The following TJP2 variants were observed in gnomAD, a reference collection of about 807,000 sequenced individuals.
TJP2 encodes the protein tight junction protein 2.
TJP2 carries 91 observed loss-of-function variants against 133.1 expected under a neutral mutation model. The ratio of observed to expected loss-of-function variants is 0.68; its 90% CI spans 0.58 to 0.81. The LOEUF is 0.81. Ranked by LOEUF, TJP2 falls within the 40% of genes least tolerant of loss-of-function variation. The pLI is 0.00. For synonymous variants in TJP2, 592 were observed against 583.4 expected (o/e 1.01, Z -0.21); for missense variants, 1,541 against 1,565.6 (o/e 0.98, Z 0.26).
chr9:69,198,241 A>G (rs534640200), intron 1 of TJP2, among the ~76,000 whole-genome samples: 1 of 146,814 alleles, frequency 6.8e-6, no homozygotes, highest in African/African-American at 2.5e-5. Flanking sequence ...TCCCAGGTTC[A>G]AGCGATTCTC....
At chr9:69,197,429 T>C (rs915048005) in intron 1 of TJP2, among the ~76,000 whole-genome samples, 3 of 152,226 alleles carry the variant, frequency 2.0e-5, no homozygotes, top group African/African-American at 7.2e-5. Context: ...AATAATACTG[T>C]TATGAACATT....
At chr9:69,192,733 G>A (rs915361292) in intron 1 of TJP2, among the ~76,000 whole-genome samples, 5 of 152,042 alleles carry the variant, frequency 3.3e-5, no homozygotes, top group African/African-American at 7.3e-5. Context: ...CCTCAGTAGC[G>A]TGCTGCAGCA....
At chr9:69,250,634 T>TG (rs762629622) in intron 20 of TJP2, among the ~76,000 whole-genome samples, 8 of 152,186 alleles carry the variant, frequency 5.3e-5, no homozygotes, top group Non-Finnish European at 1.2e-4. Flanking sequence ...GGGTCTCACC[T>TG]GGGCCGGCTC....
chr9:69,133,213 C>T lies in TJP2; in HGVS notation c.-131+11488C>T, dbSNP rs146576273. ...TTGAGCTCAAGCAACCCTCCTGCCT[C>T]GGCCTCCCAAAGTGCTGGGATTACA... On this transcript the variant is annotated intron_variant, in intron 1 of 5. Transcript: ENST00000423935. Among the ~76,000 whole-genome samples the T allele has an allele frequency of 2.6e-3, 399 of 152,322 alleles. 2 individuals carry two copies. The highest frequency in any genetic ancestry group is 8.2e-3 in the African/African-American group (339 of 41,568).
At chr9:69,142,192 T>TG (rs1209466747) in intron 1 of TJP2, among the ~76,000 whole-genome samples, 2 of 152,160 alleles carry the variant, frequency 1.3e-5, no homozygotes, top group African/African-American at 2.4e-5. Context: ...CAATAGATAC[T>TG]GGGTTGTGCC....
intron 11 of TJP2, among the ~76,000 whole-genome samples, chr9:69,232,744 A>T (rs1829881694): frequency 1.3e-5 from 2 of 152,204 alleles, no homozygotes; most frequent in Admixed American, 6.5e-5. Flanking sequence ...TTTATCTGAT[A>T]GAGTTGTCAT....
At chr9:69,140,499 ACT>A (rs1422247373) in intron 1 of TJP2, among the ~76,000 whole-genome samples, 2 of 151,564 alleles carry the variant, frequency 1.3e-5, no homozygotes, top group Admixed American at 6.6e-5. Context: ...CATGTGAACT[ACT>A]CTCTCCAGCT....
At chr9:69,243,247 C>T (rs995138649) in intron 17 of TJP2, among the ~76,000 whole-genome samples, 3 of 152,164 alleles carry the variant, frequency 2.0e-5, no homozygotes, top group Non-Finnish European at 4.4e-5. Flanking sequence ...CTTTGATGAA[C>T]ACAGTAATTT....
At chr9:69,228,161 T>C in intron 9 of TJP2, 47 bp downstream of exon 9, 1 of 1,565,858 alleles carries the variant, frequency 6.4e-7, no homozygotes, top group Non-Finnish European at 8.7e-7. Context: ...TTCAGAAGTG[T>C]GTGCTCACAC....
chr9:69,192,806 G>A (rs565368856), intron 1 of TJP2, among the ~76,000 whole-genome samples: 2 of 152,208 alleles, frequency 1.3e-5, no homozygotes, highest in Admixed American at 1.3e-4. Context: ...AGTGACAAGG[G>A]GATCTTGATT....
At chr9:69,184,782 G>A (rs1378508531) in intron 1 of TJP2, among the ~76,000 whole-genome samples, 1 of 123,788 alleles carries the variant, frequency 8.1e-6, no homozygotes. Context: ...AGACGGGCTT[G>A]CTCTGTCACC....
chr9:69,251,477 A>G (rs1363598159), intron 21 of TJP2, 113 bp downstream of exon 21: 3 of 1,139,116 alleles, frequency 2.6e-6, no homozygotes, highest in East Asian at 2.6e-5. Flanking sequence ...GATGCACTGC[A>G]CCAAAGGCAG....
intron 12 of TJP2, 65 bp from the exon 13 acceptor site, chr9:69,235,963 G>A (rs1830156774): frequency 6.8e-7 from 1 of 1,470,398 alleles, no homozygotes; most frequent in East Asian, 2.3e-5. Context: ...GAGAAGCTGT[G>A]TTGAGTGTCT....
At position 69,251,362 on chromosome 9, in the gene TJP2, A is replaced by G; in HGVS notation, c.3319A>G (p.Arg1107Gly). The stretch of plus-strand genomic sequence containing the variant: ...GGAGCTCCAGGAAGCACAGAATGCA[A>G]GGGTAATTGTTTTTAAACTACACAT... ...MQELQEAQNA[R>G]IEIAQKHPDI... The change falls in exon 21 of 23, where the codon AGG becomes GGG. Residue 1107 changes from arginine to glycine, a missense_variant and splice_region_variant. By Grantham distance (125) the Arg-to-Gly change is moderately radical. Coordinates refer to ENST00000377245, the MANE Select transcript of TJP2 (RefSeq NM_004817.4). 1 of 1,613,050 alleles carries G rather than the reference A, an allele frequency of 6.2e-7. No individual in the cohort carries two copies. Among genetic ancestry groups the G allele is most frequent in the Non-Finnish European group, 8.5e-7 (1 of 1,179,870 alleles).
chr9:69,203,724 C>T lies in TJP2; in HGVS notation c.61-8824C>T, dbSNP rs1002791172. 2.3e-4 allele frequency among the ~76,000 whole-genome samples: 34 copies of T among 148,458 alleles called. No homozygotes were observed. In the Admixed American group the frequency reaches 2.4e-3, roughly 10 times the overall value. ...CGCCTCCTGGGCTCAGGTGATCCTC[C>T]TACCTCAGCCTCCCAAGTATCTGGG... On this transcript the variant is annotated intron_variant, in intron 1 of 22. Transcript: ENST00000377245.
At chr9:69,210,999 C>T (rs1464738538) in intron 1 of TJP2, among the ~76,000 whole-genome samples, 2 of 152,114 alleles carry the variant, frequency 1.3e-5, no homozygotes, top group African/African-American at 2.4e-5. Flanking sequence ...GCTGGAAATA[C>T]AGACGTGAGC....
At chr9:69,210,698 T>G (rs1398791631) in intron 1 of TJP2, among the ~76,000 whole-genome samples, 1 of 151,800 alleles carries the variant, frequency 6.6e-6, no homozygotes, top group Non-Finnish European at 1.5e-5. Context: ...GGATTGCTGG[T>G]AGCACAGATC....
At chr9:69,140,872 G>A (rs180934693) in intron 1 of TJP2, among the ~76,000 whole-genome samples, 1 of 152,240 alleles carries the variant, frequency 6.6e-6, no homozygotes, top group Admixed American at 6.5e-5. Context: ...TTTGGGAGAC[G>A]GAGTCTCGCT....
At chr9:69,155,909 T>C (rs913180102) in intron 2 of TJP2, among the ~76,000 whole-genome samples, 15 of 152,204 alleles carry the variant, frequency 9.9e-5, no homozygotes, top group Non-Finnish European at 2.2e-4. Flanking sequence ...TTATTGGCTA[T>C]GTGCACTTAT....
Sources: allele counts gnomAD v4.1 joint callset (sites outside exome capture counted in the v4.1 genomes callset), GRCh38; gene constraint gnomAD v4.1.1; transcripts MANE v1.5; gene names NCBI Gene and HGNC (gene_info 2026-07-23, HGNC 2026-07-21).